MTBP: variants seen among roughly 807,000 people sequenced by gnomAD.
MTBP encodes the protein MDM2 binding protein, also known as mdm2-binding protein.
MTBP carries 101 observed loss-of-function variants against 117.0 expected under a neutral mutation model. That is an observed-to-expected ratio of 0.86 (90% confidence interval 0.73 to 1.02). MTBP has a LOEUF of 1.02. MTBP is among the 50% of genes least tolerant of loss of function. The pLI, the probability that MTBP is intolerant of heterozygous loss-of-function variation, is 0.00. For missense variants in MTBP, 970 were observed against 1,030.9 expected, an observed-to-expected ratio of 0.94 and a Z score of 0.81; for synonymous variants, 350 against 351.5, an observed-to-expected ratio of 1.00 and a Z score of 0.05.
chr8:120,466,211 C>CTTTT (rs33994178), intron 10 of MTBP, among the ~76,000 whole-genome samples: 1 of 128,118 alleles, frequency 7.8e-6, no homozygotes, highest in Admixed American at 7.9e-5. Flanking sequence ...GTTTTTTACT[C>CTTTT]TTTTTTTTTT....
At chr8:120,476,339 C>G (rs1462803004) in intron 11 of MTBP, among the ~76,000 whole-genome samples, 2 of 152,062 alleles carry the variant, frequency 1.3e-5, no homozygotes, top group African/African-American at 4.8e-5. Context: ...CCTTTGAAAA[C>G]TGGCACAAGA....
chr8:120,517,910 A>C lies in MTBP; in HGVS notation c.2306A>C (p.His769Pro). The change falls in exon 19 of 22, where the codon CAC (histidine) becomes CCC (proline). Residue 769 changes from histidine (H) to proline (P), a missense_variant. By Grantham distance (77) the His-to-Pro change is moderately conservative. Coordinates refer to ENST00000305949, the MANE Select transcript of MTBP (RefSeq NM_022045.5). ...TCTCAGACAACTGGTAATAGTAATC[A>C]CTATCATCATCATGTGACATCCAGA... The part of the protein sequence containing the change: ...LLSQTTGNSN[H>P]YHHHVTSRKP... The C allele has an allele frequency of 1.2e-6, 2 of 1,611,512 alleles. No homozygotes were observed. The highest frequency in any genetic ancestry group is 1.7e-6 in the Non-Finnish European group (2 of 1,177,980).
intron 14 of MTBP, among the ~76,000 whole-genome samples, chr8:120,497,991 C>A (rs1245418515): frequency 6.6e-6 from 1 of 152,164 alleles, no homozygotes; most frequent in Non-Finnish European, 1.5e-5. Flanking sequence ...AGTCAGACTT[C>A]ACTGAGACAG....
At chr8:120,461,352 T>G in intron 9 of MTBP, 97 bp downstream of exon 9, 1 of 805,746 alleles carries the variant, frequency 1.2e-6, no homozygotes, top group East Asian at 2.7e-5. Flanking sequence ...AGGTATATCT[T>G]TTTCATTATA....
At chr8:120,496,721 GAA>G (rs1260856587) in intron 13 of MTBP, among the ~76,000 whole-genome samples, 1 of 142,608 alleles carries the variant, frequency 7.0e-6, no homozygotes, top group African/African-American at 2.5e-5. Context: ...AAAAAAAAAA[GAA>G]AAAAAAATGC....
intron 5 of MTBP, 52 bp downstream of exon 5, chr8:120,453,957 T>C (rs552379204): frequency 1.5e-5 from 15 of 1,031,732 alleles, no homozygotes; most frequent in East Asian, 5.1e-5. Context: ...TATTACACTT[T>C]ATGAATAAAT....
chr8:120,505,686 A>G (rs1433319652), intron 15 of MTBP, among the ~76,000 whole-genome samples: 1 of 152,226 alleles, frequency 6.6e-6, no homozygotes, highest in Non-Finnish European at 1.5e-5. Flanking sequence ...TTTTCTGTGC[A>G]GACATTGAAA....
chr8:120,459,100 C>T (rs969162395), intron 7 of MTBP, 115 bp from the exon 8 acceptor site: 8 of 889,934 alleles, frequency 9.0e-6, no homozygotes, highest in Non-Finnish European at 1.3e-5. Context: ...GCTGAGGAAT[C>T]AAAAATAAAT....
In MTBP at chr8:120,479,123, T is replaced by C. The variant is rs900297077; in HGVS notation, c.1165+8186T>C. On this transcript the variant is annotated intron_variant, in intron 11 of 21. Coordinates refer to ENST00000305949, the MANE Select transcript of MTBP (RefSeq NM_022045.5). ...CCCTGGATATACACAAATATAAAGATGGGAACAGTAGGCACTGGGGACTCC... is the reference window on the plus strand; with the variant it reads ...CCCTGGATATACACAAATATAAAGACGGGAACAGTAGGCACTGGGGACTCC... Among the ~76,000 whole-genome samples the C allele has an allele frequency of 2.0e-5, 3 of 152,278 alleles. No individual in the cohort carries two copies. The East Asian group carries it at 5.8e-4, about 29-fold the overall frequency.
At chr8:120,490,711 A>G in intron 13 of MTBP, 141 bp downstream of exon 13, 1 of 566,632 alleles carries the variant, frequency 1.8e-6, no homozygotes, top group South Asian at 2.4e-5. Context: ...TTTGAAAGCA[A>G]TGATGTAGAG....
At chr8:120,509,430 T>C (rs1463189651) in intron 16 of MTBP, among the ~76,000 whole-genome samples, 2 of 152,058 alleles carry the variant, frequency 1.3e-5, no homozygotes, top group Non-Finnish European at 2.9e-5. Context: ...GGTGAAACCC[T>C]GTCTCTACTA....
intron 1 of MTBP, among the ~76,000 whole-genome samples, chr8:120,446,081 TCAA>T (rs1813220055): frequency 6.6e-6 from 1 of 152,236 alleles, no homozygotes; most frequent in South Asian, 2.1e-4. Context: ...CCGTCTAGAT[TCAA>T]TATTGCATTT....
chr8:120,455,706 A>G, intron 6 of MTBP, 127 bp downstream of exon 6: 1 of 820,528 alleles, frequency 1.2e-6, no homozygotes, highest in Non-Finnish European at 1.9e-6. Context: ...TCTATGTTAT[A>G]CCATGATTGC....
chr8:120,489,307 G>A (rs537902168), intron 12 of MTBP, among the ~76,000 whole-genome samples: 1 of 152,278 alleles, frequency 6.6e-6, no homozygotes, highest in East Asian at 1.9e-4. Context: ...AAAGTGCTGG[G>A]ATTACAGGCG....
In MTBP at chr8:120,522,728, A is replaced by G. The variant is rs561940872; in HGVS notation, c.2676+9A>G. On this transcript the variant is annotated intron_variant, in intron 21 of 21. Transcript: ENST00000305949. ...ACAACAATGCTGTACAGGTAAAGAA[A>G]TTATTCCCAAGAAACTATATTCAAT... The G allele has an allele frequency of 4.3e-5, 68 of 1,582,212 alleles. 3 individuals carry two copies. The South Asian group carries it at 7.8e-4, about 18-fold the overall frequency.
chr8:120,451,793 G>A (rs529668189), intron 4 of MTBP: 1 of 154,038 alleles, frequency 6.5e-6, no homozygotes, highest in East Asian at 1.9e-4. Context: ...ATGTTGTTCA[G>A]GCTGACCTCG....
rs1813569076 is a variant in MTBP at position 120,460,906 on chromosome 8, C to T, written c.883-255C>T. 2.0e-5 allele frequency among the ~76,000 whole-genome samples: 3 copies of T among 152,120 alleles called. No individual in the cohort carries two copies. The South Asian group carries it at 6.2e-4, about 31-fold the overall frequency. Reference sequence around the variant, plus strand: ...AACGCTTGTCCTCTGTTGCTTACCTCTTCCCATACTTATTTTCTCCTGTGA... The same window carrying T: ...AACGCTTGTCCTCTGTTGCTTACCTTTTCCCATACTTATTTTCTCCTGTGA... On this transcript the variant is annotated intron_variant, in intron 8 of 21. Transcript: ENST00000305949.
At chr8:120,521,356 G>A (rs549699739) in intron 20 of MTBP, among the ~76,000 whole-genome samples, 2 of 152,278 alleles carry the variant, frequency 1.3e-5, no homozygotes, top group Admixed American at 6.5e-5. Flanking sequence ...ACAATTGAAA[G>A]TATTTACATA....
intron 19 of MTBP, 70 bp from the exon 20 acceptor site, chr8:120,518,634 C>T (rs1409646996): frequency 2.0e-6 from 2 of 1,018,352 alleles, no homozygotes; most frequent in Non-Finnish European, 2.9e-6. Context: ...CAGGATTGAA[C>T]TCTAAAGCTG....
Sources: gnomAD v4.1 joint callset for allele counts (sites outside exome capture counted in the v4.1 genomes callset) on GRCh38, gnomAD v4.1.1 for gene constraint, MANE v1.5 for transcripts, NCBI Gene and HGNC (gene_info 2026-07-23, HGNC 2026-07-21) for gene names.